Variants in GMCL1 observed in about 807,000 individuals in gnomAD.
GMCL1 encodes the protein germ cell-less 1, spermatogenesis associated.
In GMCL1, 54 loss-of-function variants were observed where a neutral mutation model predicts 75.5. The observed-to-expected ratio is 0.71, with a 90% CI of 0.57 to 0.90. GMCL1 has a LOEUF of 0.90. Ranked by LOEUF, GMCL1 falls within the 40% of genes least tolerant of loss-of-function variation. GMCL1 has a pLI of 0.00. For synonymous variants in GMCL1, 210 were observed against 209.6 expected (o/e 1.00, Z -0.02); for missense variants, 537 against 622.7 (o/e 0.86, Z 1.47).
chr2:69,829,770 G>C lies in GMCL1; in HGVS notation c.-123G>C. On this transcript the variant is annotated 5_prime_UTR_variant, in exon 1 of 14. Transcript: ENST00000282570. ...ACTGTGGCGTCCGCTGCAACGGTTG[G>C]GGCTGCGCGTGAGAAGGTGGCGGTG... 1 of 1,118,430 alleles carries C rather than the reference G, an allele frequency of 8.9e-7. No individual in the cohort carries two copies. Among genetic ancestry groups the C allele is most frequent in the Non-Finnish European group, 1.2e-6 (1 of 811,440 alleles). The allele number at this position is 1,118,430 out of a possible 1,614,324, so 69.3% of individuals were successfully genotyped here.
chr2:69,869,880 C>A lies in GMCL1; in HGVS notation c.1364+16C>A. ...TAGCATTTAGGTAGGATGAGATTTC[C>A]CCACCCCACTCCTCCTCACTCCAGA... On this transcript the variant is annotated intron_variant, in intron 12 of 13. Transcript: ENST00000282570. 6.2e-7 allele frequency: 1 copy of A among 1,608,840 alleles called. No individual in the cohort carries two copies. Among genetic ancestry groups the A allele is most frequent in the Non-Finnish European group, 8.5e-7 (1 of 1,176,808 alleles).
intron 9 of GMCL1, among the ~76,000 whole-genome samples, chr2:69,857,909 G>A (rs1675525487): frequency 6.6e-6 from 1 of 152,268 alleles, no homozygotes; most frequent in South Asian, 2.1e-4. Context: ...GGGCAAATTA[G>A]GAAGTATCTT....
At chr2:69,842,181 G>C (rs1675007586) in intron 4 of GMCL1, among the ~76,000 whole-genome samples, 1 of 152,180 alleles carries the variant, frequency 6.6e-6, no homozygotes, top group Non-Finnish European at 1.5e-5. Context: ...GGGAAAAAGT[G>C]GATACCAGAG....
intron 7 of GMCL1, among the ~76,000 whole-genome samples, chr2:69,848,282 C>G (rs1675213035): frequency 6.6e-6 from 1 of 152,160 alleles, no homozygotes; most frequent in South Asian, 2.1e-4. Flanking sequence ...AGTTGTGAAA[C>G]TTCAGACTGA....
intron 3 of GMCL1, 112 bp from the exon 4 acceptor site, chr2:69,840,830 G>A (rs1478684836): frequency 1.3e-5 from 8 of 598,670 alleles, no homozygotes; most frequent in African/African-American, 7.5e-5. Context: ...TTATGTGCAT[G>A]CCACATTTAG....
At chr2:69,845,338 G>A (rs1200740970) in intron 6 of GMCL1, among the ~76,000 whole-genome samples, 2 of 152,204 alleles carry the variant, frequency 1.3e-5, no homozygotes, top group African/African-American at 2.4e-5. Flanking sequence ...TAATAGGACC[G>A]CAGTCACCCG....
intron 13 of GMCL1, among the ~76,000 whole-genome samples, chr2:69,875,248 T>C (rs1676097522): frequency 6.6e-6 from 1 of 152,224 alleles, no homozygotes; most frequent in African/African-American, 2.4e-5. Flanking sequence ...GTACTGGATG[T>C]ATCAATGTAT....
chr2:69,881,131 G>A lies in GMCL1; in HGVS notation c.*2127G>A, dbSNP rs1357983265. 1 of 152,208 alleles carries A rather than the reference G, an allele frequency of 6.6e-6. No individual in the cohort carries two copies. The highest frequency in any genetic ancestry group is 1.5e-5 in the Non-Finnish European group (1 of 68,036). The allele number at this position is 152,208 out of a possible 1,614,324, so 9.4% of individuals were successfully genotyped here. ...TTAACTGGCCAAATTGGATTTATATGTGGTTTCATCCATTGGTTCTGTCCT... is the reference window on the plus strand; with the variant it reads ...TTAACTGGCCAAATTGGATTTATATATGGTTTCATCCATTGGTTCTGTCCT... On this transcript the variant is annotated 3_prime_UTR_variant, in exon 14 of 14. Coordinates refer to ENST00000282570, the MANE Select transcript of GMCL1 (RefSeq NM_178439.5).
chr2:69,852,528 G>T (rs983884729), intron 8 of GMCL1, among the ~76,000 whole-genome samples: 2 of 146,074 alleles, frequency 1.4e-5, no homozygotes, highest in Non-Finnish European at 3.0e-5. Context: ...TTATATTTTG[G>T]CATATGTCTG....
At chr2:69,838,197 C>T (rs372689665) in intron 2 of GMCL1, among the ~76,000 whole-genome samples, 4 of 151,936 alleles carry the variant, frequency 2.6e-5, no homozygotes, top group East Asian at 1.9e-4. Flanking sequence ...TCATAGCTGA[C>T]GTGGTGTTGG....
rs1340485235 is a variant in GMCL1, at chr2:69,861,624, A to G, written c.1142+277A>G. Among the ~76,000 whole-genome samples, 6 of 152,286 alleles carry G rather than the reference A, an allele frequency of 3.9e-5. 1 individual carries two copies. The highest frequency in any genetic ancestry group is 6.5e-5 in the Admixed American group (1 of 15,300). On this transcript the variant is annotated intron_variant, in intron 10 of 13. Transcript: ENST00000282570. ...TATACTTTGTTTCACTTAGTATCAT[A>G]TGATTTTCTTTCAACATACTGAACT...
chr2:69,845,871 G>A (rs1296836916), intron 6 of GMCL1, among the ~76,000 whole-genome samples: 1 of 151,888 alleles, frequency 6.6e-6, no homozygotes, highest in Non-Finnish European at 1.5e-5. Flanking sequence ...ATACAAATGT[G>A]TCCGAGAGTA....
At chr2:69,861,415 A>G (rs1675643746) in intron 10 of GMCL1, 68 bp downstream of exon 10, 4 of 918,186 alleles carry the variant, frequency 4.4e-6, no homozygotes, top group Non-Finnish European at 6.9e-6. Flanking sequence ...TGCATTCATT[A>G]TGTTGAAAAA....
chr2:69,845,206 C>T (rs947947545), intron 6 of GMCL1, among the ~76,000 whole-genome samples: 1 of 152,192 alleles, frequency 6.6e-6, no homozygotes. Context: ...TCAACTGCGC[C>T]GCCTTCGTCC....
intron 1 of GMCL1, among the ~76,000 whole-genome samples, chr2:69,836,511 A>G (rs906697848): frequency 3.3e-5 from 5 of 152,172 alleles, no homozygotes; most frequent in African/African-American, 7.2e-5. Context: ...CTCAAACCCA[A>G]GTCTGTTACC....
At position 69,856,640 on chromosome 2, in the gene GMCL1, CTTTTTTTTTTTTT is replaced by C. The variant is rs34707640; in HGVS notation, c.1072+1696_1072+1708del. ...AACAAAATCTTCCATCTCTTCCCTC[CTTTTTTTTTTTTT>C]TTTTTTTTTTTTTTTAACTTCCAGA... On this transcript the variant is annotated intron_variant, in intron 9 of 13. Transcript: ENST00000282570. Among the ~76,000 whole-genome samples the C allele has an allele frequency of 2.0e-4, 18 of 89,858 alleles. 1 individual carries two copies. The highest frequency in any genetic ancestry group is 4.6e-4 in the Admixed American group (4 of 8,682). The allele number at this position is 89,858 out of a possible 152,430, so 59.0% of individuals were successfully genotyped here.
At chr2:69,846,827 C>CTTTT (rs560320479) in intron 6 of GMCL1, among the ~76,000 whole-genome samples, 1 of 143,588 alleles carries the variant, frequency 7.0e-6, no homozygotes, top group Admixed American at 7.0e-5. Context: ...GTTTTAGTGT[C>CTTTT]TTTTTTTTTT....
intron 13 of GMCL1, among the ~76,000 whole-genome samples, chr2:69,878,005 G>A (rs1676173675): frequency 6.6e-6 from 1 of 152,134 alleles, no homozygotes; most frequent in Admixed American, 6.6e-5. Context: ...TCATTTTAGT[G>A]TTTCTTCTTT....
intron 13 of GMCL1, among the ~76,000 whole-genome samples, 155 bp from the exon 14 acceptor site, chr2:69,878,754 G>C (rs939985759): frequency 2.0e-5 from 3 of 152,196 alleles, no homozygotes; most frequent in African/African-American, 7.2e-5. Flanking sequence ...AGCTGCATTT[G>C]ACAAGGTCAC....
Sources: gnomAD v4.1 joint callset for allele counts (sites outside exome capture counted in the v4.1 genomes callset) on GRCh38, gnomAD v4.1.1 for gene constraint, MANE v1.5 for transcripts, NCBI Gene and HGNC (gene_info 2026-07-23, HGNC 2026-07-21) for gene names.